The following OR51B5 variants were observed in gnomAD, a reference collection of about 807,000 sequenced individuals.
OR51B5 encodes the protein olfactory receptor family 51 subfamily B member 5, also known as olfactory receptor 51B5.
For synonymous variants in OR51B5, 186 were observed against 144.8 expected (o/e 1.28, Z -2.04); for missense variants, 456 against 374.6 (o/e 1.22, Z -1.79).
intron 1 of OR51B5, chr11:5,423,106 A>G: frequency 6.2e-7 from 1 of 1,608,470 alleles, no homozygotes; most frequent in Non-Finnish European, 8.5e-7. Flanking sequence ...AGCAGATCCA[A>G]TGGGGAATGT....
chr11:5,485,001 T>C (rs556106941), intron 1 of OR51B5, among the ~76,000 whole-genome samples: 30 of 152,328 alleles, frequency 2.0e-4, no homozygotes, highest in Middle Eastern at 3.4e-3. Flanking sequence ...ATTATACAGA[T>C]TGGCTACTCT....
intron 1 of OR51B5, among the ~76,000 whole-genome samples, chr11:5,409,593 T>C (rs939444253): frequency 9.9e-5 from 15 of 151,616 alleles, no homozygotes; most frequent in African/African-American, 2.2e-4. Context: ...AACAAGTCAA[T>C]AGAAATAGCC....
intron 1 of OR51B5, among the ~76,000 whole-genome samples, chr11:5,368,056 C>G (rs2736551): frequency 0.19 from 28,849 of 152,054 alleles, 2,973 homozygotes; most frequent in East Asian, 0.37. Context: ...TCACTTGGTT[C>G]TTTGCTCCTA....
chr11:5,439,980 T>C (rs960191745), intron 1 of OR51B5, among the ~76,000 whole-genome samples: 9 of 152,218 alleles, frequency 5.9e-5, no homozygotes, highest in African/African-American at 1.9e-4. Flanking sequence ...TAAGTGTTTC[T>C]TCTCAGGCAA....
At chr11:5,403,380 A>G in intron 1 of OR51B5, 1 of 471,368 alleles carries the variant, frequency 2.1e-6, no homozygotes, top group South Asian at 1.5e-5. Context: ...TGGCTTGTCT[A>G]TAGTGCACCG....
At chr11:5,359,084 A>G (rs527382252) in intron 1 of OR51B5, among the ~76,000 whole-genome samples, 5 of 152,324 alleles carry the variant, frequency 3.3e-5, no homozygotes, top group Admixed American at 3.3e-4. Context: ...AAACTGGCAC[A>G]AGACAGGGAT....
rs149465508 is a variant in OR51B5 at position 5,467,289 on chromosome 11, G to A, written n.84+38280C>T. Among the ~76,000 whole-genome samples, 112 of 152,100 alleles carry A rather than the reference G, an allele frequency of 7.4e-4. No individual in the cohort carries two copies. The Middle Eastern group carries it at 0.01, about 14-fold the overall frequency. On this transcript the variant is annotated intron_variant and non_coding_transcript_variant, in intron 1 of 4. Transcript: ENST00000415970. ...AATTTTGTTTTGCTTTTCTCTCCTC[G>A]TTGCTTAATGAGACGTTCAGGGGGT... is the stretch of plus-strand genomic sequence containing the variant.
chr11:5,362,840 C>A (rs17270818), intron 1 of OR51B5: 69,471 of 202,022 alleles, frequency 0.34, 13,646 homozygotes, highest in South Asian at 0.37. Flanking sequence ...GGGTTGGCAT[C>A]TACATGTGAG....
chr11:5,469,207 G>C (rs978606394), intron 1 of OR51B5: 1 of 159,776 alleles, frequency 6.3e-6, no homozygotes, highest in African/African-American at 2.5e-5. Flanking sequence ...ACACACCCAG[G>C]TCATTAACAG....
chr11:5,477,285 G>T (rs7106115), intron 1 of OR51B5, among the ~76,000 whole-genome samples: 2,951 of 152,244 alleles, frequency 0.019, 103 homozygotes, highest in African/African-American at 0.067. Context: ...GCTCTGACAG[G>T]AAAGAGAAAC....
Position 5,477,136 on chromosome 11 carries a change from T to C in OR51B5, n.84+28433A>G, listed in dbSNP as rs1590019039. Reference sequence around the variant, plus strand: ...TATATGTTTATGATATGGATTGTAGTGATGGTTTCATGGCTGTATACTTAT... The same window carrying C: ...TATATGTTTATGATATGGATTGTAGCGATGGTTTCATGGCTGTATACTTAT... On this transcript the variant is annotated intron_variant and non_coding_transcript_variant, in intron 1 of 4. Coordinates refer to the OR51B5 transcript ENST00000415970. Among the ~76,000 whole-genome samples, 3 of 152,256 alleles carry C rather than the reference T, an allele frequency of 2.0e-5. No individual in the cohort carries two copies. The East Asian group carries it at 5.8e-4, about 29-fold the overall frequency.
At chr11:5,356,275 C>G (rs1564918816) in intron 1 of OR51B5, among the ~76,000 whole-genome samples, 2 of 151,832 alleles carry the variant, frequency 1.3e-5, no homozygotes, top group Admixed American at 6.6e-5. Flanking sequence ...ACAGAGAAGT[C>G]CTTAAAGGAC....
In OR51B5 at chr11:5,462,871, T is replaced by C. The variant is rs560112984; in HGVS notation, n.84+42698A>G. Among the ~76,000 whole-genome samples the C allele has an allele frequency of 9.2e-4, 140 of 152,342 alleles. 1 individual carries two copies. Among genetic ancestry groups the C allele is most frequent in the African/African-American group, 3.2e-3 (135 of 41,572 alleles). ...TGCTCGTAAATGCTTTCAGGATTCC[T>C]AGAAACAGCATACAGTGTATGAAGT... On this transcript the variant is annotated intron_variant and non_coding_transcript_variant, in intron 1 of 4. Coordinates refer to the OR51B5 transcript ENST00000415970.
At chr11:5,440,874 G>T in intron 1 of OR51B5, 1 of 1,613,766 alleles carries the variant, frequency 6.2e-7, no homozygotes, top group Non-Finnish European at 8.5e-7. Context: ...CAGGATGAAA[G>T]TTGAGTCCAT....
chr11:5,345,858 T>TTTTGGCTTGATGTCACGGAATAAAAAA (rs140761870), upstream of OR51B5: 1 of 151,796 alleles, frequency 6.6e-6, no homozygotes, highest in Non-Finnish European at 1.5e-5. Context: ...AACTCAGCAC[T>TTTTGGCTTGATGTCACGGAATAAAAAA]TTGAAAGAAT....
rs553144789 is a variant in OR51B5 at position 5,364,842 on chromosome 11, C to A, written n.85-17932G>T. On this transcript the variant is annotated intron_variant and non_coding_transcript_variant, in intron 1 of 4. Coordinates refer to the OR51B5 transcript ENST00000415970. ...AACCTCACAGGACTTTGTTACCTTTCCTAAGTTTCTATTGGTGAATTTCCA... is the reference window on the plus strand; with the variant it reads ...AACCTCACAGGACTTTGTTACCTTTACTAAGTTTCTATTGGTGAATTTCCA... Among the ~76,000 whole-genome samples, 20 of 152,252 alleles carry A rather than the reference C, an allele frequency of 1.3e-4. No individual in the cohort carries two copies. In the South Asian group the frequency reaches 3.1e-3, roughly 24 times the overall value.
At chr11:5,403,149 C>T (rs116361956) in intron 1 of OR51B5, 5,057 of 466,934 alleles carry the variant, frequency 0.011, 189 homozygotes, top group African/African-American at 0.091. Context: ...ATTGTCTGCA[C>T]CCCAATCTTA....
chr11:5,341,339 TCCTGCTGAGTTGAGAACAACAA>T (rs1047255926), downstream of OR51B5: 2 of 152,172 alleles, frequency 1.3e-5, no homozygotes, highest in Non-Finnish European at 2.9e-5. Flanking sequence ...ATAAGACATT[TCCTGCTGAGTTGAGAACAACAA>T]CCTGCAGAAA....
rs776342438 is a variant in OR51B5, at chr11:5,454,018, CCTA to C, written n.84+51548_84+51550del. On this transcript the variant is annotated intron_variant and non_coding_transcript_variant, in intron 1 of 4. Transcript: ENST00000415970. ...TGCAGATCCAATGTTCTTTCTCACTCCTACTGCCTGCACCCAGACATGATGAGG... is the reference window on the plus strand; with the variant it reads ...TGCAGATCCAATGTTCTTTCTCACTCCTGCCTGCACCCAGACATGATGAGG... The C allele has an allele frequency of 3.1e-6, 5 of 1,614,066 alleles. No individual in the cohort carries two copies. The African/African-American group carries it at 5.3e-5, about 17-fold the overall frequency.
Sources: allele counts gnomAD v4.1 joint callset (sites outside exome capture counted in the v4.1 genomes callset), GRCh38; gene constraint gnomAD v4.1.1; transcripts MANE v1.5; gene names NCBI Gene and HGNC (gene_info 2026-07-23, HGNC 2026-07-21).